Variants in NEK10 observed in about 807,000 individuals in gnomAD.
NEK10 encodes NIMA related kinase 10, also known as serine/threonine-protein kinase Nek10.
NEK10 carries 122 observed loss-of-function variants against 159.8 expected under a neutral mutation model. That is an observed-to-expected ratio of 0.76 (90% CI 0.66 to 0.89). The LOEUF is 0.89. Ranked by LOEUF, NEK10 falls within the 40% of genes least tolerant of loss-of-function variation. The pLI, the probability that NEK10 is intolerant of heterozygous loss-of-function variation, is 0.00. For synonymous variants in NEK10, 466 were observed against 457.1 expected, an observed-to-expected ratio of 1.02 and a Z score of -0.25; for missense variants, 1,342 against 1,323.1, an observed-to-expected ratio of 1.01 and a Z score of -0.22.
At chr3:27,118,589 G>A (rs1479785928) in intron 33 of NEK10, among the ~76,000 whole-genome samples, 1 of 152,182 alleles carries the variant, frequency 6.6e-6, no homozygotes, top group Non-Finnish European at 1.5e-5. Context: ...AGCCTAGTCA[G>A]CTCTGGAGTG....
intron 9 of NEK10, chr3:27,309,834 C>T (rs1189401661): frequency 6.6e-6 from 1 of 152,122 alleles, no homozygotes; most frequent in East Asian, 1.9e-4. Context: ...CATTTGCCTC[C>T]CAGATTTCTA....
intron 28 of NEK10, 91 bp downstream of exon 28, chr3:27,174,348 T>C (rs905465570): frequency 6.9e-6 from 11 of 1,592,730 alleles, no homozygotes; most frequent in African/African-American, 6.8e-5. Context: ...CTGGGTTATG[T>C]ATATGGTGAT....
At chr3:27,213,046 G>A (rs1369104121) in intron 23 of NEK10, among the ~76,000 whole-genome samples, 4 of 152,102 alleles carry the variant, frequency 2.6e-5, no homozygotes, top group African/African-American at 4.8e-5. Flanking sequence ...TTTACATAGG[G>A]GATACACCAA....
At chr3:27,282,786 AATTT>A (rs1225790924) in intron 22 of NEK10, among the ~76,000 whole-genome samples, 1 of 146,996 alleles carries the variant, frequency 6.8e-6, no homozygotes, top group African/African-American at 2.5e-5. Context: ...TAAAACACAC[AATTT>A]ATAATAATCC....
chr3:27,187,478 A>G (rs1224506545), intron 26 of NEK10, among the ~76,000 whole-genome samples: 1 of 152,210 alleles, frequency 6.6e-6, no homozygotes, highest in Non-Finnish European at 1.5e-5. Flanking sequence ...TTCATATGAA[A>G]TGAAATACCA....
chr3:27,345,251 T>C (rs1050480734), intron 4 of NEK10, among the ~76,000 whole-genome samples: 1 of 152,160 alleles, frequency 6.6e-6, no homozygotes, highest in Non-Finnish European at 1.5e-5. Context: ...CATGTCCCCA[T>C]CCTAGTCACC....
chr3:27,357,317 A>T lies in NEK10; in HGVS notation c.-37-4398T>A, dbSNP rs190014580. Among the ~76,000 whole-genome samples, 1,131 of 152,120 alleles carry T rather than the reference A, an allele frequency of 7.4e-3. 8 individuals are homozygous for T. The highest frequency in any genetic ancestry group is 0.027 in the Middle Eastern group (8 of 294). ...GATGAACGGATAAAAGGATTATTTT[A>T]AAAAAAACCTGTGTTATTACTTTTT... On this transcript the variant is annotated intron_variant, in intron 1 of 35. Transcript: ENST00000691995.
chr3:27,295,364 T>C (rs2043284368), intron 15 of NEK10, among the ~76,000 whole-genome samples: 1 of 152,192 alleles, frequency 6.6e-6, no homozygotes, highest in African/African-American at 2.4e-5. Context: ...AAATAGAACT[T>C]ATTGATAAGC....
In NEK10 at chr3:27,109,378, TAAAAAA is replaced by T. The variant is rs369638958; in HGVS notation, c.*1888_*1893del. On this transcript the variant is annotated 3_prime_UTR_variant, in exon 36 of 36. Coordinates refer to ENST00000691995, the MANE Select transcript of NEK10 (RefSeq NM_001394966.1). The stretch of plus-strand genomic sequence containing the variant: ...TGGGCAACAGAGTGAGACTCTGTCT[TAAAAAA>T]AAAAAAAAAAAAAAAGAGTTAGATG... 9.4e-5 allele frequency among the ~76,000 whole-genome samples: 11 copies of T among 117,264 alleles called. No individual in the cohort carries two copies. The highest frequency in any genetic ancestry group is 1.8e-4 in the Admixed American group (2 of 10,852). 76.9% of individuals were successfully genotyped at this position (117,264 alleles called of 152,430 possible).
At chr3:27,281,689 A>G (rs988905125) in intron 22 of NEK10, among the ~76,000 whole-genome samples, 26 of 152,118 alleles carry the variant, frequency 1.7e-4, no homozygotes, top group Non-Finnish European at 3.4e-4. Flanking sequence ...CAGAGCAGGG[A>G]AGTTTACAAA....
intron 23 of NEK10, among the ~76,000 whole-genome samples, chr3:27,250,286 A>G (rs1401759382): frequency 6.6e-6 from 1 of 151,672 alleles, no homozygotes; most frequent in Non-Finnish European, 1.5e-5. Context: ...TCCCAGGTTC[A>G]CGCCATTCTC....
chr3:27,326,087 C>T (rs2045979029), intron 5 of NEK10, among the ~76,000 whole-genome samples: 1 of 152,180 alleles, frequency 6.6e-6, no homozygotes, highest in Admixed American at 6.5e-5. Context: ...ACATACCCTG[C>T]ATTGGGAAAA....
intron 22 of NEK10, chr3:27,265,753 T>C (rs550907726): frequency 5.3e-5 from 8 of 152,178 alleles, no homozygotes; most frequent in Middle Eastern, 3.4e-3. Context: ...TATTTTCTTA[T>C]TTTTAAGTTT....
At chr3:27,265,725 A>T (rs1226218723) in intron 22 of NEK10, 3 of 143,356 alleles carry the variant, frequency 2.1e-5, no homozygotes, top group African/African-American at 7.5e-5. Flanking sequence ...AAATTTTTGC[A>T]TTTTTCATTA....
chr3:27,359,902 C>A (rs1235265364), intron 1 of NEK10, among the ~76,000 whole-genome samples: 1 of 152,184 alleles, frequency 6.6e-6, no homozygotes, highest in Non-Finnish European at 1.5e-5. Flanking sequence ...TGCACTAAAT[C>A]TCACAAATAT....
intron 22 of NEK10, among the ~76,000 whole-genome samples, chr3:27,259,057 G>A (rs1235844461): frequency 6.8e-6 from 1 of 147,038 alleles, no homozygotes; most frequent in African/African-American, 2.7e-5. Flanking sequence ...CCCACTTGTT[G>A]ATGCAGTTGT....
chr3:27,215,638 A>C (rs900768846), intron 23 of NEK10: 3 of 473,782 alleles, frequency 6.3e-6, no homozygotes, highest in Non-Finnish European at 1.1e-5. Flanking sequence ...TTTGTTTATC[A>C]CATTTAAAGA....
intron 30 of NEK10, 184 bp downstream of exon 30, chr3:27,162,517 G>A: frequency 1.2e-6 from 2 of 1,614,162 alleles, no homozygotes; most frequent in Non-Finnish European, 1.7e-6. Flanking sequence ...CTGCCACCCT[G>A]TCACTAACTC....
At chr3:27,190,267 A>G (rs971888347) in intron 26 of NEK10, among the ~76,000 whole-genome samples, 9 of 152,256 alleles carry the variant, frequency 5.9e-5, no homozygotes, top group East Asian at 1.9e-4. Flanking sequence ...CGATAGCCTG[A>G]AATCTATATT....
Sources: allele counts gnomAD v4.1 joint callset (sites outside exome capture counted in the v4.1 genomes callset), GRCh38; gene constraint gnomAD v4.1.1; transcripts MANE v1.5; gene names NCBI Gene and HGNC (gene_info 2026-07-23, HGNC 2026-07-21).